Variants in MIB1 observed in about 807,000 individuals in gnomAD.
The protein encoded by MIB1 is E3 ubiquitin-protein ligase MIB1.
A neutral mutation model predicts 124.5 loss-of-function variants in MIB1; 278 were observed. That is an observed-to-expected ratio of 2.23 (90% CI 2.02 to 2.47). MIB1 has a LOEUF of 2.47. Ranked by LOEUF, MIB1 falls within the 30% of genes most tolerant of loss-of-function variation. MIB1 has a pLI of 0.00. For missense variants in MIB1, 957 were observed against 1,254.4 expected (o/e 0.76, Z 3.58); for synonymous variants, 446 against 429.4 (o/e 1.04, Z -0.48).
intron 10 of MIB1, among the ~76,000 whole-genome samples, chr18:21,813,807 C>T (rs2041800607): frequency 6.6e-6 from 1 of 152,062 alleles, no homozygotes; most frequent in Non-Finnish European, 1.5e-5. Context: ...CTAGGGAGTC[C>T]ACCAGGGGCT....
intron 6 of MIB1, among the ~76,000 whole-genome samples, chr18:21,781,161 C>T (rs1305640624): frequency 2.6e-5 from 4 of 151,300 alleles, no homozygotes; most frequent in Non-Finnish European, 5.9e-5. Context: ...AAGTGATCCT[C>T]CCACTTTGAC....
At chr18:21,722,011 C>T (rs888915436) in intron 1 of MIB1, among the ~76,000 whole-genome samples, 1 of 152,092 alleles carries the variant, frequency 6.6e-6, no homozygotes, top group Admixed American at 6.6e-5. Flanking sequence ...GTCATGTCTT[C>T]CTAGTTTCTT....
At chr18:21,799,591 T>C (rs1449223787) in intron 8 of MIB1, among the ~76,000 whole-genome samples, 6 of 152,042 alleles carry the variant, frequency 3.9e-5, no homozygotes, top group Non-Finnish European at 7.4e-5. Flanking sequence ...ATTATTAGTA[T>C]ATAATGCACT....
intron 1 of MIB1, among the ~76,000 whole-genome samples, chr18:21,750,296 C>T (rs1338028433): frequency 5.3e-5 from 8 of 152,096 alleles, no homozygotes; most frequent in Non-Finnish European, 7.4e-5. Context: ...GGATTACAGG[C>T]GGGTGCCACC....
chr18:21,814,305 C>G (rs971761410), intron 10 of MIB1, among the ~76,000 whole-genome samples: 1 of 150,258 alleles, frequency 6.7e-6, no homozygotes, highest in East Asian at 1.9e-4. Flanking sequence ...GTATGCTCAT[C>G]ACTTAACCAG....
intron 13 of MIB1, among the ~76,000 whole-genome samples, chr18:21,842,800 GTTGA>G (rs2042103067): frequency 6.6e-6 from 1 of 152,154 alleles, no homozygotes; most frequent in African/African-American, 2.4e-5. Flanking sequence ...GTTCTAAGGA[GTTGA>G]TTATCTCCAT....
intron 6 of MIB1, among the ~76,000 whole-genome samples, chr18:21,780,177 T>C (rs2041342572): frequency 6.6e-6 from 1 of 152,214 alleles, no homozygotes; most frequent in East Asian, 1.9e-4. Context: ...ATGCATACAA[T>C]GTATAATGAT....
At chr18:21,749,826 G>C (rs1191310685) in intron 1 of MIB1, among the ~76,000 whole-genome samples, 1 of 151,722 alleles carries the variant, frequency 6.6e-6, no homozygotes, top group Non-Finnish European at 1.5e-5. Context: ...ATTTTCAGTA[G>C]AGACCGTGTT....
intron 1 of MIB1, among the ~76,000 whole-genome samples, chr18:21,746,763 T>C (rs2040917007): frequency 6.6e-6 from 1 of 152,218 alleles, no homozygotes; most frequent in Admixed American, 6.5e-5. Flanking sequence ...ATCAGCTTTA[T>C]TCAAAACCAG....
At position 21,849,339 on chromosome 18, in the gene MIB1, G is replaced by GT. The variant is rs776170301; in HGVS notation, c.2538dup (p.Val847CysfsTer8). The stretch of plus-strand genomic sequence containing the variant: ...GCTACCTGTTCTTTATGTTCTCCAC[G>GT]TGTCAAGAAATGCCTCATCTGTAAA... On this transcript the variant is annotated frameshift_variant, in exon 17 of 21. Transcript: ENST00000261537. LOFTEE classifies it high-confidence loss of function. 2 of 1,612,672 alleles carry GT rather than the reference G, an allele frequency of 1.2e-6. No homozygotes were observed. Among genetic ancestry groups the GT allele is most frequent in the Non-Finnish European group, 1.7e-6 (2 of 1,179,342 alleles).
At chr18:21,736,458 C>T (rs148365964), upstream of MIB1, among the ~76,000 whole-genome samples, 8 of 152,320 alleles carry the variant, frequency 5.3e-5, no homozygotes, top group African/African-American at 1.9e-4. Context: ...TGCCTCGTCT[C>T]CTTCAAAGGA....
At chr18:21,778,310 T>A in intron 5 of MIB1, 141 bp downstream of exon 5, 1 of 533,588 alleles carries the variant, frequency 1.9e-6, no homozygotes, top group Non-Finnish European at 3.3e-6. Flanking sequence ...CCTTTGGTCT[T>A]AAAGTATTTT....
chr18:21,715,440 T>G (rs2040685423), intron 1 of MIB1, among the ~76,000 whole-genome samples: 1 of 152,104 alleles, frequency 6.6e-6, no homozygotes, highest in African/African-American at 2.4e-5. Flanking sequence ...TCTGGTAATA[T>G]GACAAAACAA....
At chr18:21,720,491 A>AT (rs200066801) in intron 1 of MIB1, among the ~76,000 whole-genome samples, 12,760 of 147,694 alleles carry the variant, frequency 0.086, 587 homozygotes, top group Middle Eastern at 0.19. Context: ...TTTTCAAATA[A>AT]TTTTTTTTTT....
intron 1 of MIB1, among the ~76,000 whole-genome samples, chr18:21,745,675 A>AACAC (rs144491531): frequency 0.059 from 8,493 of 144,668 alleles, 303 homozygotes; most frequent in Middle Eastern, 0.1. Flanking sequence ...ATAGGTGTTA[A>AACAC]ACACACACAC....
chr18:21,764,127 A>G (rs1455416467), intron 1 of MIB1, among the ~76,000 whole-genome samples: 1 of 152,110 alleles, frequency 6.6e-6, no homozygotes, highest in Non-Finnish European at 1.5e-5. Context: ...CATTTATGTG[A>G]CAGGAGACTG....
In MIB1 at chr18:21,773,736, G is replaced by A; in HGVS notation, c.636+8G>A. 6.4e-7 allele frequency: 1 copy of A among 1,553,460 alleles called. No individual in the cohort carries two copies. On this transcript the variant is annotated splice_region_variant and intron_variant, in intron 4 of 20. Transcript: ENST00000261537. ...GTTGGCTTTGAGGGCATGGTAAGTA[G>A]TGAAGAGCCATAGCAGGTGAAAGAA...
intron 1 of MIB1, among the ~76,000 whole-genome samples, chr18:21,742,545 T>A (rs1369403031): frequency 1.4e-4 from 22 of 152,208 alleles, no homozygotes; most frequent in Non-Finnish European, 1.5e-5. Context: ...ATCTTACTCA[T>A]TCACCCAGCA....
In MIB1 at chr18:21,870,517, A is replaced by G. The variant is rs2042347672; in HGVS notation, c.*5851A>G. The G allele has an allele frequency of 6.6e-6, 1 of 152,226 alleles. No individual in the cohort carries two copies. Among genetic ancestry groups the G allele is most frequent in the African/African-American group, 2.4e-5 (1 of 41,468 alleles). The allele number at this position is 152,226 out of a possible 1,614,324, so 9.4% of individuals were successfully genotyped here. On this transcript the variant is annotated 3_prime_UTR_variant, in exon 21 of 21. Transcript: ENST00000261537. ...GGAAGTAACTTAACCAGTCTGGAAG[A>G]TTCAGCTTTTTCTATAAAAAGCTTA... is the stretch of plus-strand genomic sequence containing the variant.
Sources: allele counts gnomAD v4.1 joint callset (sites outside exome capture counted in the v4.1 genomes callset), GRCh38; gene constraint gnomAD v4.1.1; transcripts MANE v1.5; gene names NCBI Gene and HGNC (gene_info 2026-07-23, HGNC 2026-07-21).